The following CTNNA2 variants were observed in gnomAD, a reference collection of about 807,000 sequenced individuals.
The protein encoded by CTNNA2 is catenin alpha-2.
Under a neutral mutation model 101.0 loss-of-function variants are expected in CTNNA2, and 42 were observed. The ratio of observed to expected loss-of-function variants is 0.42; its 90% confidence interval spans 0.32 to 0.54. The LOEUF is 0.54. Among genes scored for constraint, CTNNA2 ranks in the 20% least tolerant of loss-of-function variants. The pLI is 0.14. For synonymous variants in CTNNA2, 450 were observed against 456.4 expected (o/e 0.99, Z 0.18); for missense variants, 871 against 1,223.1 (o/e 0.71, Z 4.29).
At chr2:80,486,115 A>C (rs1217159264) in intron 9 of CTNNA2, among the ~76,000 whole-genome samples, 1 of 152,216 alleles carries the variant, frequency 6.6e-6, no homozygotes, top group Non-Finnish European at 1.5e-5. Flanking sequence ...GCTCTTATAA[A>C]TGGAAAGTCT....
At chr2:79,386,618 C>T (rs1464316130) in intron 4 of CTNNA2, among the ~76,000 whole-genome samples, 1 of 152,154 alleles carries the variant, frequency 6.6e-6, no homozygotes, top group African/African-American at 2.4e-5. Context: ...CAAAGCCTGC[C>T]TTACTTAACT....
chr2:79,927,807 A>C (rs555737064), intron 7 of CTNNA2, among the ~76,000 whole-genome samples: 2 of 152,212 alleles, frequency 1.3e-5, no homozygotes, highest in African/African-American at 4.8e-5. Context: ...ATGCTATCAA[A>C]ACTCATAGTA....
rs79885825 is a variant in CTNNA2, at chr2:80,191,274, G to C, written c.1057-201937G>C. 2.6e-3 allele frequency among the ~76,000 whole-genome samples: 401 copies of C among 152,272 alleles called. 11 individuals carry two copies. The East Asian group carries it at 0.071, about 27-fold the overall frequency. On this transcript the variant is annotated intron_variant, in intron 7 of 18. Coordinates refer to ENST00000402739, the MANE Select transcript of CTNNA2 (RefSeq NM_001282597.3). ...TAGGGAAAAAAACAAACTTTGGTAAGATTTTACTCACACTTCCTATCAGTA... is the reference window on the plus strand; with the variant it reads ...TAGGGAAAAAAACAAACTTTGGTAACATTTTACTCACACTTCCTATCAGTA...
chr2:79,290,825 C>T (rs1427390042), intron 2 of CTNNA2, among the ~76,000 whole-genome samples: 2 of 152,140 alleles, frequency 1.3e-5, no homozygotes, highest in Non-Finnish European at 2.9e-5. Flanking sequence ...CATGTGTGAT[C>T]CAAATCTTCT....
At chr2:80,602,006 C>A (rs751964612) in intron 15 of CTNNA2, 14 of 152,032 alleles carry the variant, frequency 9.2e-5, no homozygotes, top group Admixed American at 3.3e-4. Context: ...CTGTGCGTAG[C>A]AGTGTCATTT....
At chr2:79,992,806 A>G (rs546910138) in intron 7 of CTNNA2, among the ~76,000 whole-genome samples, 18 of 152,198 alleles carry the variant, frequency 1.2e-4, no homozygotes, top group Non-Finnish European at 2.2e-4. Flanking sequence ...AAACTGAACT[A>G]ATGGAAATTT....
chr2:80,374,609 C>A (rs1573879401), intron 7 of CTNNA2, among the ~76,000 whole-genome samples: 1 of 151,842 alleles, frequency 6.6e-6, no homozygotes, highest in African/African-American at 2.4e-5. Flanking sequence ...CTTCTGAGGC[C>A]TCTGACCTTG....
chr2:79,287,968 CG>C (rs1455174889), intron 2 of CTNNA2, among the ~76,000 whole-genome samples: 1 of 152,228 alleles, frequency 6.6e-6, no homozygotes, highest in Non-Finnish European at 1.5e-5. Context: ...TTTTTTAAGC[CG>C]GTCGGAAAAG....
intron 2 of CTNNA2, among the ~76,000 whole-genome samples, chr2:79,292,475 C>T (rs1675848678): frequency 1.3e-5 from 2 of 152,186 alleles, no homozygotes; most frequent in South Asian, 4.1e-4. Context: ...TAGCTTGAAT[C>T]ATCACCTAGG....
chr2:80,065,423 A>C, intron 7 of CTNNA2, among the ~76,000 whole-genome samples: 1 of 150,062 alleles, frequency 6.7e-6, no homozygotes, highest in African/African-American at 2.5e-5. Context: ...CAGTGGCATG[A>C]TCTCGGCTCA....
chr2:80,402,747 T>A (rs1276642086), intron 8 of CTNNA2, among the ~76,000 whole-genome samples: 1 of 148,214 alleles, frequency 6.7e-6, no homozygotes, highest in Non-Finnish European at 1.5e-5. Flanking sequence ...TATATTTCTA[T>A]ATTATATATT....
intron 7 of CTNNA2, among the ~76,000 whole-genome samples, chr2:79,922,526 CT>C (rs111587969): frequency 2.6e-5 from 4 of 151,104 alleles, no homozygotes; most frequent in Admixed American, 6.6e-5. Context: ...CAGACATTGC[CT>C]TTTTTTTTCC....
At chr2:80,592,145 G>GA (rs946320500) in intron 15 of CTNNA2, among the ~76,000 whole-genome samples, 24 of 151,322 alleles carry the variant, frequency 1.6e-4, no homozygotes, top group South Asian at 6.3e-4. Flanking sequence ...TTGAGACTAA[G>GA]AAAAAAAAAC....
chr2:80,408,469 T>C (rs959930268), intron 8 of CTNNA2, among the ~76,000 whole-genome samples: 2 of 152,310 alleles, frequency 1.3e-5, no homozygotes, highest in Non-Finnish European at 2.9e-5. Context: ...CAATTACCAA[T>C]TAAATTGTGA....
At chr2:79,201,769 G>A (rs1198652847) in intron 2 of CTNNA2, among the ~76,000 whole-genome samples, 3 of 151,962 alleles carry the variant, frequency 2.0e-5, no homozygotes, top group East Asian at 3.9e-4. Context: ...GAATCCCTTC[G>A]TGGTTAGCAA....
At chr2:79,946,774 A>T (rs10172596) in intron 7 of CTNNA2, among the ~76,000 whole-genome samples, 2 of 151,920 alleles carry the variant, frequency 1.3e-5, no homozygotes, top group African/African-American at 2.4e-5. Context: ...CATTGGGAGC[A>T]TATAGTTGAA....
chr2:79,344,060 A>G (rs918212299), intron 3 of CTNNA2, among the ~76,000 whole-genome samples: 1 of 152,104 alleles, frequency 6.6e-6, no homozygotes, highest in East Asian at 1.9e-4. Context: ...GCTCTCTTGT[A>G]GGTTGCCAGT....
chr2:80,347,110 G>C (rs558069315), intron 7 of CTNNA2, among the ~76,000 whole-genome samples: 1 of 151,862 alleles, frequency 6.6e-6, no homozygotes, highest in African/African-American at 2.4e-5. Flanking sequence ...GATAAACCAA[G>C]CTTTGTGCTA....
chr2:80,417,309 A>G (rs931793841), intron 8 of CTNNA2, among the ~76,000 whole-genome samples: 15 of 151,718 alleles, frequency 9.9e-5, no homozygotes, highest in African/African-American at 3.6e-4. Flanking sequence ...AAAAATATAC[A>G]GTATTAGAAT....
Sources: gnomAD v4.1 joint callset for allele counts (sites outside exome capture counted in the v4.1 genomes callset) on GRCh38, gnomAD v4.1.1 for gene constraint, MANE v1.5 for transcripts, NCBI Gene and HGNC (gene_info 2026-07-23, HGNC 2026-07-21) for gene names.